The following LDAH variants were observed in gnomAD, a reference collection of about 807,000 sequenced individuals.
The protein encoded by LDAH is lipid droplet associated hydrolase.
Under a neutral mutation model 29.6 loss-of-function variants are expected in LDAH, and 26 were observed. The ratio of observed to expected loss-of-function variants is 0.88; its 90% CI spans 0.64 to 1.22. The LOEUF is 1.22. Among genes scored for constraint, LDAH ranks in the 50% most tolerant of loss-of-function variants. LDAH has a pLI of 0.00. For missense variants in LDAH, 344 were observed against 387.3 expected (o/e 0.89, Z 0.94); for synonymous variants, 117 against 133.0 (o/e 0.88, Z 0.83).
intron 6 of LDAH, among the ~76,000 whole-genome samples, chr2:20,696,814 C>T (rs1054097514): frequency 3.9e-5 from 6 of 152,072 alleles, no homozygotes; most frequent in East Asian, 1.9e-4. Flanking sequence ...ATTGGGGTGG[C>T]GAAAACGCAC....
At chr2:20,743,669 CTCT>C (rs2124849301) in intron 4 of LDAH, among the ~76,000 whole-genome samples, 1 of 152,208 alleles carries the variant, frequency 6.6e-6, no homozygotes, top group South Asian at 2.1e-4. Context: ...CTCTCTGATG[CTCT>C]TCTTTTCTTT....
chr2:20,813,483 C>T (rs1672643173), intron 1 of LDAH, among the ~76,000 whole-genome samples: 1 of 152,144 alleles, frequency 6.6e-6, no homozygotes, highest in African/African-American at 2.4e-5. Context: ...ATATGACCAT[C>T]TCCCTGGTGC....
At chr2:20,710,701 A>G (rs1664684216) in intron 5 of LDAH, among the ~76,000 whole-genome samples, 1 of 147,662 alleles carries the variant, frequency 6.8e-6, no homozygotes, top group Non-Finnish European at 1.5e-5. Context: ...TATTATACAT[A>G]TATACACATA....
At chr2:20,748,257 G>A (rs1393541389) in intron 4 of LDAH, among the ~76,000 whole-genome samples, 1 of 151,830 alleles carries the variant, frequency 6.6e-6, no homozygotes, top group Non-Finnish European at 1.5e-5. Flanking sequence ...AGACCTCTGG[G>A]GCAGAGATTT....
intron 5 of LDAH, among the ~76,000 whole-genome samples, chr2:20,703,493 A>T (rs1664094604): frequency 6.6e-6 from 1 of 152,124 alleles, no homozygotes; most frequent in African/African-American, 2.4e-5. Flanking sequence ...TCTTATTTTG[A>T]ATTATTCTAT....
At chr2:20,801,956 GTA>G (rs1461751473) in intron 1 of LDAH, among the ~76,000 whole-genome samples, 100 of 142,524 alleles carry the variant, frequency 7.0e-4, no homozygotes, top group African/African-American at 1.9e-3. Flanking sequence ...GTGTGTGTGT[GTA>G]TGTGTGTGTG....
rs545620319 is a variant in LDAH, at chr2:20,784,593, A to T, written c.298+5662T>A. ...CATAATAATTATACTTATTAAAAAA[A>T]TTTTTTTTTGGCTGGGCACAGTGGC... On this transcript the variant is annotated intron_variant, in intron 3 of 6. Transcript: ENST00000237822. 1.8e-3 allele frequency among the ~76,000 whole-genome samples: 275 copies of T among 150,322 alleles called. 2 individuals carry two copies. The highest frequency in any genetic ancestry group is 5.4e-3 in the African/African-American group (220 of 40,916).
intron 5 of LDAH, among the ~76,000 whole-genome samples, chr2:20,720,650 G>A (rs968387032): frequency 1.3e-5 from 2 of 151,732 alleles, no homozygotes; most frequent in Non-Finnish European, 2.9e-5. Context: ...CCCAAAAGAC[G>A]CCGAATTGCT....
At chr2:20,737,465 C>T (rs1161551683) in intron 5 of LDAH, among the ~76,000 whole-genome samples, 4 of 152,200 alleles carry the variant, frequency 2.6e-5, no homozygotes, top group East Asian at 1.9e-4. Flanking sequence ...TGTAAAGAGA[C>T]GTAAAATGAT....
At chr2:20,747,650 C>T (rs907946505) in intron 4 of LDAH, among the ~76,000 whole-genome samples, 14 of 152,216 alleles carry the variant, frequency 9.2e-5, no homozygotes, top group African/African-American at 3.1e-4. Context: ...ACTGCAAATG[C>T]CATTATATTT....
chr2:20,815,123 C>T (rs484081), intron 1 of LDAH, among the ~76,000 whole-genome samples: 150,901 of 152,226 alleles, frequency 0.99, 74,803 homozygotes, highest in Middle Eastern at 1. Context: ...AAAATAATTA[C>T]AAAATAGAAA....
chr2:20,789,244 TA>T, intron 3 of LDAH: 1 of 1,550,416 alleles, frequency 6.4e-7, no homozygotes, highest in African/African-American at 1.4e-5. Flanking sequence ...CTTTGGGAAG[TA>T]ATTAGGATCA....
chr2:20,687,392 A>G (rs1662643900), intron 6 of LDAH, among the ~76,000 whole-genome samples: 1 of 152,246 alleles, frequency 6.6e-6, no homozygotes, highest in South Asian at 2.1e-4. Flanking sequence ...GTTGGGATGG[A>G]CACTGGAATG....
chr2:20,755,377 C>T (rs1353788300), intron 4 of LDAH, among the ~76,000 whole-genome samples: 1 of 152,204 alleles, frequency 6.6e-6, no homozygotes, highest in Non-Finnish European at 1.5e-5. Context: ...TCTTGCTCCA[C>T]TCTTTATATC....
chr2:20,689,006 A>G (rs1244948389), intron 6 of LDAH, among the ~76,000 whole-genome samples: 3 of 150,108 alleles, frequency 2.0e-5, no homozygotes, highest in Non-Finnish European at 3.0e-5. Context: ...ATCCCCTAAC[A>G]GGCCCCGGTG....
chr2:20,746,326 G>A (rs1052287637), intron 4 of LDAH, among the ~76,000 whole-genome samples: 1 of 151,978 alleles, frequency 6.6e-6, no homozygotes, highest in African/African-American at 2.4e-5. Context: ...TGCATGTAAG[G>A]GAAACTCTAA....
At chr2:20,812,939 AC>A (rs1366777493) in intron 1 of LDAH, among the ~76,000 whole-genome samples, 3 of 152,160 alleles carry the variant, frequency 2.0e-5, no homozygotes, top group South Asian at 2.1e-4. Context: ...TCATCCTCCC[AC>A]CCCAAGAAAA....
At chr2:20,769,056 C>G (rs190633869) in intron 4 of LDAH, among the ~76,000 whole-genome samples, 64 of 152,248 alleles carry the variant, frequency 4.2e-4, no homozygotes, top group Non-Finnish European at 7.6e-4. Context: ...CCCGATCGAC[C>G]CCTCCACGCA....
downstream of LDAH, among the ~76,000 whole-genome samples, chr2:20,682,846 C>T (rs1662355742): frequency 6.6e-6 from 1 of 152,184 alleles, no homozygotes; most frequent in Non-Finnish European, 1.5e-5. Flanking sequence ...CTTAGCAAGG[C>T]ACCTCAGTGG....
Sources: gnomAD v4.1 joint callset for allele counts (sites outside exome capture counted in the v4.1 genomes callset) on GRCh38, gnomAD v4.1.1 for gene constraint, MANE v1.5 for transcripts, NCBI Gene and HGNC (gene_info 2026-07-23, HGNC 2026-07-21) for gene names.